Variants in PLOD1 observed in about 807,000 individuals in gnomAD.
The protein encoded by PLOD1 is procollagen-lysine,2-oxoglutarate 5-dioxygenase 1.
PLOD1 carries 70 observed loss-of-function variants against 94.7 expected under a neutral mutation model. That is an observed-to-expected ratio of 0.74 (90% confidence interval 0.61 to 0.90). The LOEUF is 0.90. PLOD1 is among the 40% of genes least tolerant of loss of function. The pLI is 0.00. For missense variants in PLOD1, 905 were observed against 972.7 expected (o/e 0.93, Z 0.93); for synonymous variants, 417 against 400.2 (o/e 1.04, Z -0.50).
At chr1:11,966,208 G>A in intron 14 of PLOD1, 43 bp from the exon 15 acceptor site, 1 of 1,456,942 alleles carries the variant, frequency 6.9e-7, no homozygotes, top group South Asian at 1.2e-5. Flanking sequence ...CCTGGCAGTT[G>A]AGCCAATGGT....
At chr1:11,954,266 A>C in intron 5 of PLOD1, 1 of 280,480 alleles carries the variant, frequency 3.6e-6, no homozygotes, top group Non-Finnish European at 6.9e-6. Flanking sequence ...TGAGGTCAGG[A>C]GTTCGAGACC....
intron 1 of PLOD1, among the ~76,000 whole-genome samples, chr1:11,938,890 G>T (rs1645597504): frequency 6.6e-6 from 1 of 152,126 alleles, no homozygotes. Context: ...CGCCATCCTG[G>T]GGGGGCTTCC....
chr1:11,947,876 C>T, intron 1 of PLOD1, 100 bp from the exon 2 acceptor site: 1 of 803,614 alleles, frequency 1.2e-6, no homozygotes, highest in Non-Finnish European at 2.2e-6. Flanking sequence ...CATGAAGACA[C>T]TTCCTGCCAG....
chr1:11,941,080 G>A lies in PLOD1; in HGVS notation c.76+6225G>A, dbSNP rs1359123807. Among the ~76,000 whole-genome samples the A allele has an allele frequency of 3.9e-5, 6 of 152,104 alleles. No homozygotes were observed. The South Asian group carries it at 1.2e-3, about 32-fold the overall frequency. On this transcript the variant is annotated intron_variant, in intron 1 of 18. Transcript: ENST00000196061. ...CAGGTATTTAGCCTCTCTGTGCCTC[G>A]GTTTCCTCACCCGAAGAAGCAGTGA...
At chr1:11,962,760 G>C (rs1423111163) in intron 10 of PLOD1, among the ~76,000 whole-genome samples, 1 of 151,888 alleles carries the variant, frequency 6.6e-6, no homozygotes, top group Non-Finnish European at 1.5e-5. Context: ...AGGAAAAAAG[G>C]CCGGGTGCAG....
chr1:11,954,918 T>G, intron 6 of PLOD1, 25 bp downstream of exon 6: 1 of 1,577,120 alleles, frequency 6.3e-7, no homozygotes, highest in Middle Eastern at 1.7e-4. Flanking sequence ...CGGGGAGGGG[T>G]GGATCCTCAG....
At position 11,934,766 on chromosome 1, in the gene PLOD1, CCCATACCTCGG is replaced by C. The variant is rs747037908; in HGVS notation, c.-9_2del. 441 of 1,534,934 alleles carry C rather than the reference CCCATACCTCGG, an allele frequency of 2.9e-4. No individual in the cohort carries two copies. Among genetic ancestry groups the C allele is most frequent in the Non-Finnish European group, 3.6e-4 (415 of 1,144,998 alleles). On this transcript the variant is annotated 5_prime_UTR_variant, in exon 1 of 19. Coordinates refer to ENST00000196061, the MANE Select transcript of PLOD1 (RefSeq NM_000302.4). ...GCGCCGCCGGGTCGGCCGATCGTCC[CCCATACCTCGG>C]CCATGCGGCCCCTGCTGCTACTGGC...
chr1:11,973,088 G>T (rs1488089046), intron 18 of PLOD1, 91 bp downstream of exon 18: 8 of 1,469,652 alleles, frequency 5.4e-6, no homozygotes, highest in Non-Finnish European at 7.6e-6. Context: ...AGGCAGAGGG[G>T]CCCCAGGTAA....
At chr1:11,948,859 G>A (rs1173456814) in intron 2 of PLOD1, among the ~76,000 whole-genome samples, 1 of 152,228 alleles carries the variant, frequency 6.6e-6, no homozygotes, top group Admixed American at 6.5e-5. Context: ...TATCCTGAGT[G>A]CTTCCTTATG....
At chr1:11,951,648 G>C (rs1003008822) in intron 4 of PLOD1, among the ~76,000 whole-genome samples, 15 of 145,368 alleles carry the variant, frequency 1.0e-4, no homozygotes, top group African/African-American at 3.8e-4. Flanking sequence ...TATATATATT[G>C]GTGGCTCATG....
chr1:11,970,723 G>T lies in PLOD1; in HGVS notation c.1809G>T (p.Met603Ile). Residue 603 changes from methionine to isoleucine, a missense_variant, in exon 17 of 19, where the codon ATG (methionine) becomes ATT (isoleucine). By Grantham distance (10) the Met-to-Ile change is conservative. Coordinates refer to ENST00000196061, the MANE Select transcript of PLOD1 (RefSeq NM_000302.4). The stretch of plus-strand genomic sequence containing the variant: ...ACGTGCCGACTATTGACATCCACAT[G>T]AACCAGATCGGCTTTGAGCGGGAGT... ...YENVPTIDIH[M>I]NQIGFEREWH... 6.2e-7 allele frequency: 1 copy of T among 1,612,858 alleles called. No homozygotes were observed. The highest frequency in any genetic ancestry group is 8.5e-7 in the Non-Finnish European group (1 of 1,179,860).
Position 11,964,729 on chromosome 1 carries a change from T to C in PLOD1, c.1414T>C (p.Phe472Leu), listed in dbSNP as rs1372616444. 1 of 1,613,450 alleles carries C rather than the reference T, an allele frequency of 6.2e-7. No individual in the cohort carries two copies. Among genetic ancestry groups the C allele is most frequent in the African/African-American group, 1.3e-5 (1 of 74,938 alleles). Reference protein sequence around the residue: ...LRGELQSSDLFHHSKLDPDMA... With the variant: ...LRGELQSSDLLHHSKLDPDMA... ...GGGTGAGCTGCAGTCCTCAGATCTC[T>C]TCCACCACAGCAAGCTGGACCCCGA... The change falls in exon 13 of 19, where the codon TTC becomes CTC. Residue 472 changes from phenylalanine (F) to leucine (L), a missense_variant. By Grantham distance (22) the Phe-to-Leu change is conservative (BLOSUM62 0). Coordinates refer to ENST00000196061, the MANE Select transcript of PLOD1 (RefSeq NM_000302.4).
chr1:11,950,159 CTT>C (rs1645689133), intron 3 of PLOD1, among the ~76,000 whole-genome samples, 196 bp from the exon 4 acceptor site: 1 of 152,104 alleles, frequency 6.6e-6, no homozygotes, highest in Non-Finnish European at 1.5e-5. Context: ...GGGACCATCT[CTT>C]TGCCCAGGGT....
Position 11,963,456 on chromosome 1 carries a change from A to G in PLOD1, c.1098-76A>G. 1 of 936,052 alleles carries G rather than the reference A, an allele frequency of 1.1e-6. No individual in the cohort carries two copies. The highest frequency in any genetic ancestry group is 1.4e-5 in the South Asian group (1 of 71,948). 58.0% of individuals were successfully genotyped at this position (936,052 alleles called of 1,614,324 possible). A position where few individuals can be genotyped will look rare whatever the true frequency, so the allele number is the denominator to read the frequency against. On this transcript the variant is annotated intron_variant, in intron 10 of 18. Transcript: ENST00000196061. The surrounding 1 kb of genome is among the most constrained non-coding windows in gnomAD (Gnocchi z 4.3). ...CTTGGCTGATATGTGGTGAAGCCAG[A>G]CTGTGGTCACAGATGTGAGCAGCCA...
chr1:11,962,268 T>TTTTTTC (rs1557494564), intron 10 of PLOD1, among the ~76,000 whole-genome samples: 1 of 130,082 alleles, frequency 7.7e-6, no homozygotes, highest in African/African-American at 3.6e-5. Context: ...TTTTGATTTT[T>TTTTTTC]GTTTTCTTTT....
chr1:11,967,182 G>A, intron 16 of PLOD1, 91 bp downstream of exon 16: 1 of 840,432 alleles, frequency 1.2e-6, no homozygotes, highest in Non-Finnish European at 2.1e-6. Context: ...AAGCTGGCCT[G>A]GCCACCCTTT....
chr1:11,971,841 C>A (rs1645866729), intron 17 of PLOD1: 1 of 152,242 alleles, frequency 6.6e-6, no homozygotes, highest in Admixed American at 6.5e-5. Context: ...AAGCAGCCTT[C>A]TTCCAATAGT....
intron 9 of PLOD1, among the ~76,000 whole-genome samples, chr1:11,959,198 T>TC (rs1645760839): frequency 6.6e-6 from 1 of 151,290 alleles, no homozygotes; most frequent in South Asian, 2.1e-4. Context: ...AGAGCAAAAC[T>TC]CCGTCTCAAA....
At chr1:11,952,863 C>T (rs574699935) in intron 5 of PLOD1, 128 bp downstream of exon 5, 75 of 654,076 alleles carry the variant, frequency 1.1e-4, no homozygotes, top group African/African-American at 5.3e-4. Context: ...CTCTGACAAA[C>T]TGCCATAGGC....
Sources: allele counts gnomAD v4.1 joint callset (sites outside exome capture counted in the v4.1 genomes callset), GRCh38; gene constraint gnomAD v4.1.1; non-coding constraint Gnocchi (gnomAD v3.1); transcripts MANE v1.5; gene names NCBI Gene and HGNC (gene_info 2026-07-23, HGNC 2026-07-21).